The following CADM2 variants were observed in gnomAD, a reference collection of about 807,000 sequenced individuals.
CADM2 encodes the protein cell adhesion molecule 2.
Under a neutral mutation model 49.8 loss-of-function variants are expected in CADM2, and 12 were observed. The observed-to-expected ratio is 0.24, with a 90% CI of 0.15 to 0.39. CADM2 has a LOEUF of 0.39. Among genes scored for constraint, CADM2 ranks in the 10% least tolerant of loss-of-function variants. CADM2 has a pLI of 1.00. For synonymous variants in CADM2, 214 were observed against 175.4 expected (o/e 1.22, Z -1.74); for missense variants, 378 against 492.3 (o/e 0.77, Z 2.20).
intron 1 of CADM2, among the ~76,000 whole-genome samples, chr3:85,153,051 G>T (rs1298527862): frequency 1.3e-5 from 2 of 152,084 alleles, no homozygotes; most frequent in Admixed American, 1.3e-4. Context: ...AAAATTACCT[G>T]CATTTGAAAA....
At chr3:85,973,058 A>G (rs1038557323) in intron 8 of CADM2, among the ~76,000 whole-genome samples, 4 of 151,776 alleles carry the variant, frequency 2.6e-5, no homozygotes, top group African/African-American at 9.7e-5. Flanking sequence ...AACAGGAATT[A>G]TGAAAAATCA....
intron 1 of CADM2, among the ~76,000 whole-genome samples, chr3:85,049,326 A>AGTTT (rs1487546291): frequency 3.3e-3 from 354 of 107,774 alleles, no homozygotes; most frequent in African/African-American, 0.016. Context: ...TTGCAGGTTT[A>AGTTT]GTTTATTTAT....
chr3:85,911,337 A>G (rs1717558363), intron 5 of CADM2, among the ~76,000 whole-genome samples: 2 of 152,116 alleles, frequency 1.3e-5, no homozygotes, highest in Admixed American at 6.6e-5. Flanking sequence ...CCTCTTTTCC[A>G]CAAAGAACAA....
chr3:85,657,763 T>TATATATATATACAG (rs1553656540), intron 1 of CADM2, among the ~76,000 whole-genome samples: 29 of 122,238 alleles, frequency 2.4e-4, no homozygotes, highest in African/African-American at 4.8e-4. Flanking sequence ...TATACACAGA[T>TATATATATATACAG]ATATATATAT....
At chr3:85,137,747 T>C (rs2039459223) in intron 1 of CADM2, among the ~76,000 whole-genome samples, 1 of 152,116 alleles carries the variant, frequency 6.6e-6, no homozygotes, top group South Asian at 2.1e-4. Context: ...TTTGAGGCAG[T>C]TGTATTAAAG....
intron 3 of CADM2, among the ~76,000 whole-genome samples, chr3:85,872,322 C>T (rs1331592540): frequency 6.6e-6 from 1 of 152,190 alleles, no homozygotes; most frequent in Non-Finnish European, 1.5e-5. Context: ...TATCTCATTT[C>T]AACCTAGCTA....
At chr3:85,436,456 G>C (rs1345851826) in intron 1 of CADM2, among the ~76,000 whole-genome samples, 1 of 151,974 alleles carries the variant, frequency 6.6e-6, no homozygotes, top group East Asian at 1.9e-4. Context: ...CTGTTGAATA[G>C]GAGCAGTGAG....
intron 1 of CADM2, among the ~76,000 whole-genome samples, chr3:85,133,566 T>A (rs2107614086): frequency 7.0e-6 from 1 of 142,526 alleles, no homozygotes; most frequent in Middle Eastern, 3.5e-3. Flanking sequence ...CCCACTGGTG[T>A]ATTTACAATC....
chr3:85,454,737 C>T (rs1007259630), intron 1 of CADM2, among the ~76,000 whole-genome samples: 33 of 152,164 alleles, frequency 2.2e-4, no homozygotes, highest in African/African-American at 7.5e-4. Flanking sequence ...CAAGTACCCA[C>T]TATGAACCAA....
intron 1 of CADM2, among the ~76,000 whole-genome samples, chr3:85,039,412 T>C (rs17043532): frequency 0.072 from 10,892 of 151,494 alleles, 626 homozygotes; most frequent in Admixed American, 0.18. Flanking sequence ...GTGAGAAGAG[T>C]CTAAGTACCT....
chr3:85,613,832 A>T (rs2063735425), intron 1 of CADM2, among the ~76,000 whole-genome samples: 1 of 151,808 alleles, frequency 6.6e-6, no homozygotes, highest in Admixed American at 6.6e-5. Context: ...TAGTCTCTGA[A>T]GTCTGACAGG....
At chr3:85,006,733 A>G (rs1430069113) in intron 1 of CADM2, among the ~76,000 whole-genome samples, 2 of 152,158 alleles carry the variant, frequency 1.3e-5, no homozygotes, top group Non-Finnish European at 2.9e-5. Context: ...CTATATTTCA[A>G]GGTCCATATT....
At chr3:85,694,229 T>A (rs144985489) in intron 1 of CADM2, among the ~76,000 whole-genome samples, 150 of 152,288 alleles carry the variant, frequency 9.8e-4, no homozygotes, top group Middle Eastern at 3.4e-3. Flanking sequence ...TACCTCCCAT[T>A]CATATGTTGA....
chr3:85,998,949 C>G (rs890585860), intron 8 of CADM2, among the ~76,000 whole-genome samples: 8 of 151,994 alleles, frequency 5.3e-5, no homozygotes, highest in African/African-American at 1.9e-4. Flanking sequence ...AGAACTGATG[C>G]TAGGATTTTA....
At chr3:85,860,285 A>G (rs1343697317) in intron 3 of CADM2, among the ~76,000 whole-genome samples, 1 of 152,192 alleles carries the variant, frequency 6.6e-6, no homozygotes, top group African/African-American at 2.4e-5. Context: ...AACAAAAACA[A>G]CAAAAATCCT....
At chr3:85,434,390 T>G (rs1025306888) in intron 1 of CADM2, among the ~76,000 whole-genome samples, 2 of 151,976 alleles carry the variant, frequency 1.3e-5, no homozygotes, top group Admixed American at 1.3e-4. Flanking sequence ...TTTTATTAGT[T>G]ATGATTATCT....
At chr3:86,041,362 G>A (rs535725507) in intron 8 of CADM2, among the ~76,000 whole-genome samples, 37 of 152,126 alleles carry the variant, frequency 2.4e-4, no homozygotes, top group Admixed American at 2.2e-3. Flanking sequence ...ACACACATAG[G>A]CTCAAAATAA....
chr3:85,696,619 A>G (rs1219952905), intron 1 of CADM2, among the ~76,000 whole-genome samples: 2 of 152,016 alleles, frequency 1.3e-5, no homozygotes, highest in Admixed American at 6.6e-5. Flanking sequence ...TTTGTTAGTA[A>G]TGAAAATTCT....
chr3:85,980,715 G>A (rs1167265210), intron 8 of CADM2, among the ~76,000 whole-genome samples: 1 of 151,498 alleles, frequency 6.6e-6, no homozygotes, highest in Non-Finnish European at 1.5e-5. Flanking sequence ...TTTAATTTGT[G>A]ATGCTCTGTA....
Sources: allele counts gnomAD v4.1 joint callset (sites outside exome capture counted in the v4.1 genomes callset), GRCh38; gene constraint gnomAD v4.1.1; transcripts MANE v1.5; gene names NCBI Gene and HGNC (gene_info 2026-07-23, HGNC 2026-07-21).